YWHAH: variants seen among roughly 807,000 people sequenced by gnomAD.
YWHAH encodes tyrosine 3-monooxygenase/tryptophan 5-monooxygenase activation protein eta.
YWHAH carries 6 observed loss-of-function variants against 22.9 expected under a neutral mutation model. That is an observed-to-expected ratio of 0.26 (90% confidence interval 0.14 to 0.52). The LOEUF (loss-of-function observed/expected upper bound fraction) is 0.52, where lower values mean the gene tolerates loss of function less well. Ranked by LOEUF, YWHAH falls within the 20% of genes least tolerant of loss-of-function variation. YWHAH has a pLI of 0.97. For synonymous variants in YWHAH, 135 were observed against 124.5 expected, an observed-to-expected ratio of 1.08 and a Z score of -0.56; for missense variants, 173 against 308.6, an observed-to-expected ratio of 0.56 and a Z score of 3.29.
At position 31,956,566 on chromosome 22, in the gene YWHAH, G is replaced by A. The variant is rs537326257; in HGVS notation, c.515G>A (p.Arg172Gln). The change falls in exon 2 of 2, where the codon CGG becomes CAG. Residue 172 changes from arginine to glutamine, a missense_variant. Coordinates refer to ENST00000248975, the MANE Select transcript of YWHAH (RefSeq NM_003405.4). The surrounding 1 kb of genome is among the most constrained non-coding windows in gnomAD (Gnocchi z 5.1). Reference protein sequence around the residue: ...KEQMQPTHPIRLGLALNFSVF... With the variant: ...KEQMQPTHPIQLGLALNFSVF... ...CAGATGCAACCCACGCATCCCATCC[G>A]GCTGGGCCTGGCCCTCAACTTCTCC... 6.2e-6 allele frequency: 10 copies of A among 1,614,180 alleles called. No individual in the cohort carries two copies. Among genetic ancestry groups the A allele is most frequent in the East Asian group, 2.2e-5 (1 of 44,884 alleles).
At chr22:31,944,993 C>T (rs1450152067) in intron 1 of YWHAH, 173 bp downstream of exon 1, 3 of 1,120,586 alleles carry the variant, frequency 2.7e-6, no homozygotes, top group South Asian at 4.4e-5. Context: ...GGCGCCCCGC[C>T]ACTTCCTGAG....
intron 1 of YWHAH, among the ~76,000 whole-genome samples, chr22:31,953,290 G>A (rs1351709558): frequency 6.6e-6 from 1 of 152,190 alleles, no homozygotes; most frequent in Non-Finnish European, 1.5e-5. Flanking sequence ...ATTGAATATT[G>A]CTCTAGAAAC....
chr22:31,948,627 A>T (rs1483649415), intron 1 of YWHAH, among the ~76,000 whole-genome samples: 1 of 152,178 alleles, frequency 6.6e-6, no homozygotes, highest in African/African-American at 2.4e-5. Flanking sequence ...CTCCTGCCTC[A>T]GCCTATTAAA....
chr22:31,953,423 G>A (rs1209642762), intron 1 of YWHAH, among the ~76,000 whole-genome samples: 2 of 152,196 alleles, frequency 1.3e-5, no homozygotes, highest in South Asian at 2.1e-4. Flanking sequence ...TAGTTCATAA[G>A]TGTGATGATT....
chr22:31,951,232 CACACAT>C (rs1353989124), intron 1 of YWHAH, among the ~76,000 whole-genome samples: 2 of 151,814 alleles, frequency 1.3e-5, no homozygotes, highest in Non-Finnish European at 2.9e-5. Flanking sequence ...CACAGACACA[CACACAT>C]ACACGTACAC....
rs1239368782 is a variant in YWHAH, at chr22:31,946,799, A to T, written c.87+1979A>T. 5.9e-5 allele frequency among the ~76,000 whole-genome samples: 9 copies of T among 152,174 alleles called. No homozygotes were observed. The East Asian group carries it at 1.7e-3, about 29-fold the overall frequency. ...TGCAGCAAGCTACTTGTGTCCATAG[A>T]TCTTCTCTGGAGGGTTAAGGTAGCC... is the stretch of plus-strand genomic sequence containing the variant. On this transcript the variant is annotated intron_variant, in intron 1 of 1. Transcript: ENST00000248975.
rs748065794 is a variant in YWHAH, at chr22:31,955,536, G to A, written c.88-603G>A. On this transcript the variant is annotated intron_variant, in intron 1 of 1. Transcript: ENST00000248975. ...ACGATCTGGGCTCACTGCAACCTCC[G>A]GGTTCAAGAGTTTCTCTTGCCTCAG... 6.0e-5 allele frequency among the ~76,000 whole-genome samples: 9 copies of A among 149,754 alleles called. 1 individual carries two copies. Among genetic ancestry groups the A allele is most frequent in the Admixed American group, 2.0e-4 (3 of 14,924 alleles).
rs1445227344 is a variant in YWHAH at position 31,957,544 on chromosome 22, A to C, written c.*752A>C. The stretch of plus-strand genomic sequence containing the variant: ...AAGATGGGTGATTATGAAATGCCAG[A>C]CTTCTAAAATAAATGTTTTGGAATT... On this transcript the variant is annotated 3_prime_UTR_variant, in exon 2 of 2. Transcript: ENST00000248975. 1 of 152,612 alleles carries C rather than the reference A, an allele frequency of 6.6e-6. No individual in the cohort carries two copies. Among genetic ancestry groups the C allele is most frequent in the Non-Finnish European group, 1.5e-5 (1 of 68,034 alleles). The allele number at this position is 152,612 out of a possible 1,614,324, so 9.5% of individuals were successfully genotyped here.
At position 31,956,780 on chromosome 22, in the gene YWHAH, A is replaced by G. The variant is rs758664704; in HGVS notation, c.729A>G (p.Gly243=). The G allele has an allele frequency of 1.6e-5, 25 of 1,598,678 alleles. No homozygotes were observed. The Admixed American group carries it at 1.7e-4, about 11-fold the overall frequency. The change falls in exon 2 of 2, where the codon GGA becomes GGG. Residue 243 remains glycine, a synonymous_variant. Transcript: ENST00000248975. The surrounding 1 kb of genome is among the most constrained non-coding windows in gnomAD (Gnocchi z 5.1). ...WTSDQQDEEA[G]EGN is the part of the protein sequence containing the mutation. ...GCGACCAGCAGGATGAAGAAGCAGGAGAAGGCAACTGAAGATCCTTCAGGT... is the reference window on the plus strand; with the variant it reads ...GCGACCAGCAGGATGAAGAAGCAGGGGAAGGCAACTGAAGATCCTTCAGGT...
intron 1 of YWHAH, among the ~76,000 whole-genome samples, chr22:31,949,485 G>A (rs903039070): frequency 6.6e-6 from 1 of 151,418 alleles, no homozygotes; most frequent in Non-Finnish European, 1.5e-5. Flanking sequence ...AACGGTAGCT[G>A]TTAGTCCATG....
intron 1 of YWHAH, among the ~76,000 whole-genome samples, chr22:31,951,388 T>C (rs2093843112): frequency 6.6e-6 from 1 of 152,202 alleles, no homozygotes; most frequent in South Asian, 2.1e-4. Flanking sequence ...GCCCATAGCA[T>C]GTGTGGAGCT....
intron 1 of YWHAH, chr22:31,947,412 T>C (rs777290451): frequency 6.4e-6 from 3 of 470,134 alleles, no homozygotes; most frequent in South Asian, 4.7e-5. Flanking sequence ...ATTAAAATGC[T>C]CACTTGATAA....
intron 1 of YWHAH, among the ~76,000 whole-genome samples, chr22:31,948,109 G>C (rs964224892): frequency 6.6e-6 from 1 of 152,130 alleles, no homozygotes; most frequent in Non-Finnish European, 1.5e-5. Context: ...GGCCTCGAAC[G>C]TGTAGCCTCA....
At position 31,944,796 on chromosome 22, in the gene YWHAH, C is replaced by T. The variant is rs1444471210; in HGVS notation, c.63C>T (p.Asp21=). The T allele has an allele frequency of 9.2e-6, 13 of 1,415,010 alleles. No homozygotes were observed. Among genetic ancestry groups the T allele is most frequent in the Admixed American group, 2.4e-5 (1 of 41,742 alleles). The allele number at this position is 1,415,010 out of a possible 1,614,324, so 87.7% of individuals were successfully genotyped here. ...TGGCCGAGCAGGCGGAGCGCTACGA[C>T]GACATGGCCTCCGCTATGAAGGCGG... The part of the protein sequence containing the change: ...ARLAEQAERY[D]DMASAMKAVT... Residue 21 remains aspartate (D), a synonymous_variant, in exon 1 of 2, where the codon GAC becomes GAT. Coordinates refer to ENST00000248975, the MANE Select transcript of YWHAH (RefSeq NM_003405.4).
chr22:31,945,933 C>G (rs1298205458), intron 1 of YWHAH, among the ~76,000 whole-genome samples: 1 of 152,114 alleles, frequency 6.6e-6, no homozygotes, highest in Non-Finnish European at 1.5e-5. Context: ...CCTTTGCTGG[C>G]CTTTTGGAGG....
intron 1 of YWHAH, among the ~76,000 whole-genome samples, chr22:31,951,599 T>C (rs1469003734): frequency 4.6e-5 from 7 of 152,152 alleles, no homozygotes; most frequent in Non-Finnish European, 4.4e-5. Flanking sequence ...ACACACATAG[T>C]TTTTTGCCTT....
rs201848079 is a variant in YWHAH, at chr22:31,956,121, C to A, written c.88-18C>A. On this transcript the variant is annotated intron_variant, in intron 1 of 1. Coordinates refer to ENST00000248975, the MANE Select transcript of YWHAH (RefSeq NM_003405.4). This position sits in a 1 kb window ranked among gnomAD's most constrained non-coding sequence, Gnocchi z 5.1. ...TTCAGATTTTGCTTTCAATGTTTAT[C>A]TTTTTGGGGTTTTGCAGGTGACAGA... is the stretch of plus-strand genomic sequence containing the variant. 1.3e-6 allele frequency: 2 copies of A among 1,565,392 alleles called. No individual in the cohort carries two copies. Among genetic ancestry groups the A allele is most frequent in the Non-Finnish European group, 1.7e-6 (2 of 1,158,968 alleles).
intron 1 of YWHAH, among the ~76,000 whole-genome samples, chr22:31,947,908 C>G (rs982448492): frequency 6.6e-6 from 1 of 152,144 alleles, no homozygotes; most frequent in African/African-American, 2.4e-5. Context: ...CCTAAGTCAT[C>G]TATTTTATAT....
intron 1 of YWHAH, among the ~76,000 whole-genome samples, chr22:31,948,594 CA>C (rs1006888618): frequency 1.3e-5 from 2 of 152,090 alleles, no homozygotes; most frequent in Non-Finnish European, 2.9e-5. Context: ...AAGTTGGTCT[CA>C]AACTCCTGGC....
Sources: gnomAD v4.1 joint callset for allele counts (sites outside exome capture counted in the v4.1 genomes callset) on GRCh38, gnomAD v4.1.1 for gene constraint, Gnocchi (gnomAD v3.1) non-coding constraint, MANE v1.5 for transcripts, NCBI Gene and HGNC (gene_info 2026-07-23, HGNC 2026-07-21) for gene names.